SAMMSON: variants seen among roughly 807,000 people sequenced by gnomAD.
SAMMSON encodes the protein survival associated mitochondrial melanoma specific oncogenic non-coding RNA.
intron 9 of SAMMSON, among the ~76,000 whole-genome samples, chr3:70,359,657 C>T (rs1702857356): frequency 6.6e-6 from 1 of 152,122 alleles, no homozygotes; most frequent in African/African-American, 2.4e-5. Flanking sequence ...ACACTTAAGA[C>T]TATTCATTTA....
intron 4 of SAMMSON, among the ~76,000 whole-genome samples, chr3:70,172,144 G>A (rs527332224): frequency 6.6e-6 from 1 of 151,900 alleles, no homozygotes; most frequent in South Asian, 2.1e-4. Flanking sequence ...ATTCAATTAA[G>A]TTTCATTTCT....
intron 9 of SAMMSON, among the ~76,000 whole-genome samples, chr3:70,379,602 T>G (rs1482429337): frequency 6.6e-6 from 1 of 152,154 alleles, no homozygotes; most frequent in Non-Finnish European, 1.5e-5. Flanking sequence ...AGCTTCCCTC[T>G]TCACTGCTCA....
intron 6 of SAMMSON, among the ~76,000 whole-genome samples, chr3:70,267,585 T>TG (rs1701930801): frequency 6.8e-6 from 1 of 146,756 alleles, no homozygotes; most frequent in Non-Finnish European, 1.5e-5. Flanking sequence ...TGTATTTTTT[T>TG]TTTTTTTTTT....
chr3:70,391,324 A>G (rs547035139), downstream of SAMMSON, among the ~76,000 whole-genome samples: 5 of 152,310 alleles, frequency 3.3e-5, no homozygotes, highest in East Asian at 9.6e-4. Flanking sequence ...GTAAATATTT[A>G]TAATCATTTT....
intron 6 of SAMMSON, among the ~76,000 whole-genome samples, chr3:70,286,529 C>A (rs1264369630): frequency 6.6e-6 from 1 of 151,764 alleles, no homozygotes; most frequent in Non-Finnish European, 1.5e-5. Flanking sequence ...TTAGGATTGA[C>A]TTGGTGATGC....
intron 7 of SAMMSON, among the ~76,000 whole-genome samples, chr3:70,296,557 C>T (rs1702291022): frequency 6.6e-6 from 1 of 151,672 alleles, no homozygotes; most frequent in African/African-American, 2.4e-5. Context: ...GGAATCTACC[C>T]TACATTTCTC....
chr3:70,071,975 C>G (rs1350835773), intron 4 of SAMMSON: 1 of 151,658 alleles, frequency 6.6e-6, no homozygotes, highest in Admixed American at 6.6e-5. Context: ...GTTGTACTCT[C>G]GTAATTGAGA....
At chr3:70,222,597 T>C (rs1329805548) in intron 4 of SAMMSON, among the ~76,000 whole-genome samples, 1 of 152,056 alleles carries the variant, frequency 6.6e-6, no homozygotes, top group Non-Finnish European at 1.5e-5. Context: ...AAAACAGTAA[T>C]AGAAATTCCA....
intron 4 of SAMMSON, among the ~76,000 whole-genome samples, chr3:70,170,374 A>G (rs1352479281): frequency 6.6e-6 from 1 of 151,838 alleles, no homozygotes; most frequent in Non-Finnish European, 1.5e-5. Context: ...GTGATATAAT[A>G]TAGAGGTTCC....
At chr3:70,324,951 G>GA in intron 7 of SAMMSON, among the ~76,000 whole-genome samples, 1 of 151,614 alleles carries the variant, frequency 6.6e-6, no homozygotes, top group Admixed American at 6.6e-5. Context: ...ATACGATTAG[G>GA]AAAAAAAGGC....
chr3:70,284,763 G>A (rs1375184541), intron 6 of SAMMSON, among the ~76,000 whole-genome samples: 1 of 152,240 alleles, frequency 6.6e-6, no homozygotes, highest in Middle Eastern at 3.4e-3. Context: ...AGGGTAGGAG[G>A]AGACAGAGGA....
At chr3:70,252,318 G>A (rs1375501849) in intron 6 of SAMMSON, among the ~76,000 whole-genome samples, 2 of 152,116 alleles carry the variant, frequency 1.3e-5, no homozygotes, top group African/African-American at 2.4e-5. Flanking sequence ...ATGGTGTGGC[G>A]TACAATTCTC....
intron 3 of SAMMSON, among the ~76,000 whole-genome samples, chr3:70,035,205 G>A (rs956354208): frequency 2.0e-5 from 3 of 152,108 alleles, no homozygotes; most frequent in African/African-American, 7.2e-5. Flanking sequence ...CTGACTGTTG[G>A]TGGAGGACTG....
At chr3:70,318,828 A>AT (rs1372618257) in intron 7 of SAMMSON, among the ~76,000 whole-genome samples, 6 of 151,650 alleles carry the variant, frequency 4.0e-5, no homozygotes, top group South Asian at 2.1e-4. Context: ...GTTTTATTTT[A>AT]TTTTTTCTGA....
At chr3:70,218,972 G>T (rs1375387029) in intron 4 of SAMMSON, among the ~76,000 whole-genome samples, 2 of 148,788 alleles carry the variant, frequency 1.3e-5, no homozygotes, top group African/African-American at 2.4e-5. Flanking sequence ...ACAATTTTAT[G>T]AAGTGTTTGG....
intron 4 of SAMMSON, among the ~76,000 whole-genome samples, chr3:70,084,362 C>T (rs2067278230): frequency 6.6e-6 from 1 of 152,164 alleles, no homozygotes; most frequent in Admixed American, 6.5e-5. Flanking sequence ...CACTAATTAA[C>T]AGAGCTAAGA....
chr3:70,078,939 TG>T (rs1307620828), intron 4 of SAMMSON, among the ~76,000 whole-genome samples: 2 of 152,202 alleles, frequency 1.3e-5, no homozygotes, highest in Admixed American at 6.5e-5. Flanking sequence ...ATACAATCCA[TG>T]GACTAAATCT....
At chr3:70,223,559 C>T (rs1425662574) in intron 4 of SAMMSON, among the ~76,000 whole-genome samples, 4 of 152,092 alleles carry the variant, frequency 2.6e-5, no homozygotes, top group Non-Finnish European at 5.9e-5. Flanking sequence ...TTGTCTCCCC[C>T]ACCAAAAATG....
intron 4 of SAMMSON, among the ~76,000 whole-genome samples, chr3:70,150,267 A>G (rs1480539201): frequency 6.6e-6 from 1 of 152,054 alleles, no homozygotes; most frequent in Non-Finnish European, 1.5e-5. Flanking sequence ...AGTTAGTTGA[A>G]TGTCTAATGT....
Sources: gnomAD v4.1 joint callset for allele counts (sites outside exome capture counted in the v4.1 genomes callset) on GRCh38, gnomAD v4.1.1 for gene constraint, MANE v1.5 for transcripts, NCBI Gene and HGNC (gene_info 2026-07-23, HGNC 2026-07-21) for gene names.